ANKRD12: variants seen among roughly 807,000 people sequenced by gnomAD.
The protein encoded by ANKRD12 is ankyrin repeat domain 12, also known as ankyrin repeat domain-containing protein 12.
In ANKRD12, 85 loss-of-function variants were observed where a neutral mutation model predicts 183.4. The ratio of observed to expected loss-of-function variants is 0.46; its 90% CI spans 0.39 to 0.56. The LOEUF (loss-of-function observed/expected upper bound fraction) is 0.56, where lower values mean the gene tolerates loss of function less well. Ranked by LOEUF, ANKRD12 falls within the 20% of genes least tolerant of loss-of-function variation. The pLI is 0.00. For missense variants in ANKRD12, 2,405 were observed against 2,357.1 expected (o/e 1.02, Z -0.42); for synonymous variants, 914 against 800.2 (o/e 1.14, Z -2.40).
At chr18:9,201,624 T>C (rs570449075) in intron 3 of ANKRD12, among the ~76,000 whole-genome samples, 11 of 152,324 alleles carry the variant, frequency 7.2e-5, no homozygotes, top group East Asian at 1.9e-4. Flanking sequence ...ATGAATGTTC[T>C]TTAAGTTCAA....
At chr18:9,172,344 C>T (rs901613205) in intron 1 of ANKRD12, among the ~76,000 whole-genome samples, 1 of 152,180 alleles carries the variant, frequency 6.6e-6, no homozygotes, top group Non-Finnish European at 1.5e-5. Flanking sequence ...CTTCTCCTGT[C>T]TTTCAGGCAC....
At chr18:9,245,832 ATACT>A (rs1361977994) in intron 8 of ANKRD12, among the ~76,000 whole-genome samples, 82 of 152,302 alleles carry the variant, frequency 5.4e-4, no homozygotes, top group African/African-American at 1.1e-3. Context: ...AGATATTCAG[ATACT>A]TACGGAAAGG....
chr18:9,185,553 A>C (rs1349473228), intron 2 of ANKRD12, among the ~76,000 whole-genome samples: 1 of 152,228 alleles, frequency 6.6e-6, no homozygotes, highest in Non-Finnish European at 1.5e-5. Context: ...ACATTCAAGT[A>C]GAAATGTTTA....
At chr18:9,205,063 A>G (rs879315060) in intron 4 of ANKRD12, among the ~76,000 whole-genome samples, 12 of 152,210 alleles carry the variant, frequency 7.9e-5, no homozygotes, top group Non-Finnish European at 1.6e-4. Flanking sequence ...CTATAACTGA[A>G]TTAAAATACC....
chr18:9,275,687 A>G lies in ANKRD12; in HGVS notation c.5907+20A>G, dbSNP rs909597720. 1.3e-6 allele frequency: 2 copies of G among 1,524,122 alleles called. No individual in the cohort carries two copies. Among genetic ancestry groups the G allele is most frequent in the Admixed American group, 3.6e-5 (2 of 54,982 alleles). The allele number at this position is 1,524,122 out of a possible 1,614,324, so 94.4% of individuals were successfully genotyped here. ...TCTCAGGTAAAATGTTTGTTGATAC[A>G]TTTAGAAGTAATGGTCTGAAAAAAT... is the stretch of plus-strand genomic sequence containing the variant. On this transcript the variant is annotated intron_variant, in intron 11 of 12. Transcript: ENST00000262126.
chr18:9,164,636 C>T (rs1269326778), intron 1 of ANKRD12, among the ~76,000 whole-genome samples: 4 of 152,064 alleles, frequency 2.6e-5, no homozygotes, highest in African/African-American at 4.8e-5. Context: ...TTGATTTCTG[C>T]CTTAATTTTA....
intron 8 of ANKRD12, among the ~76,000 whole-genome samples, chr18:9,232,903 G>A (rs1484044619): frequency 6.6e-6 from 1 of 152,032 alleles, no homozygotes; most frequent in East Asian, 1.9e-4. Flanking sequence ...AGGTTGGGGT[G>A]CAGTGGTGTG....
chr18:9,228,961 T>C (rs146752517), intron 8 of ANKRD12, among the ~76,000 whole-genome samples: 2 of 152,214 alleles, frequency 1.3e-5, no homozygotes, highest in East Asian at 3.9e-4. Context: ...TTTAAGTCTT[T>C]AATTCATTTT....
chr18:9,211,230 C>T (rs765628713), intron 5 of ANKRD12, among the ~76,000 whole-genome samples: 1 of 152,128 alleles, frequency 6.6e-6, no homozygotes, highest in Non-Finnish European at 1.5e-5. Flanking sequence ...AATTTCACTT[C>T]CTCTAGGTCT....
intron 1 of ANKRD12, among the ~76,000 whole-genome samples, chr18:9,159,713 A>G (rs938590042): frequency 6.6e-6 from 1 of 151,736 alleles, no homozygotes; most frequent in African/African-American, 2.4e-5. Context: ...TGCTGGGATT[A>G]CAGGCGTGAG....
At chr18:9,184,921 T>G (rs1388093339) in intron 2 of ANKRD12, among the ~76,000 whole-genome samples, 1 of 152,094 alleles carries the variant, frequency 6.6e-6, no homozygotes, top group African/African-American at 2.4e-5. Context: ...ATTTGAGAAC[T>G]GCTATACCAG....
chr18:9,181,389 A>G (rs1049454144), intron 1 of ANKRD12, among the ~76,000 whole-genome samples: 2 of 152,344 alleles, frequency 1.3e-5, no homozygotes, highest in South Asian at 2.1e-4. Context: ...ATTTACATAG[A>G]TACTAGAATG....
rs1308964221 is a variant in ANKRD12 at position 9,214,447 on chromosome 18, T to C, written c.653-2311T>C. On this transcript the variant is annotated intron_variant, in intron 6 of 12. Coordinates refer to ENST00000262126, the MANE Select transcript of ANKRD12 (RefSeq NM_015208.5). Reference sequence around the variant, plus strand: ...TTGTGGTGAGCTCAAATATTGGGACTATCTGCTTAAAACACCATGTGACTG... The same window carrying C: ...TTGTGGTGAGCTCAAATATTGGGACCATCTGCTTAAAACACCATGTGACTG... 3.3e-5 allele frequency among the ~76,000 whole-genome samples: 5 copies of C among 152,254 alleles called. No homozygotes were observed. In the East Asian group the frequency reaches 9.6e-4, roughly 29 times the overall value.
At chr18:9,235,163 TTCA>T (rs1334929746) in intron 8 of ANKRD12, among the ~76,000 whole-genome samples, 1 of 152,194 alleles carries the variant, frequency 6.6e-6, no homozygotes, top group Non-Finnish European at 1.5e-5. Flanking sequence ...AAAAAATTAA[TTCA>T]TCATCATAAG....
At chr18:9,234,159 G>A (rs2037210370) in intron 8 of ANKRD12, among the ~76,000 whole-genome samples, 1 of 152,166 alleles carries the variant, frequency 6.6e-6, no homozygotes. Context: ...CAGCACAAAG[G>A]CCATGCCACC....
chr18:9,143,150 A>T (rs2078376364), intron 1 of ANKRD12, among the ~76,000 whole-genome samples: 1 of 152,214 alleles, frequency 6.6e-6, no homozygotes, highest in African/African-American at 2.4e-5. Flanking sequence ...GCTAGATACT[A>T]TTAGATACTT....
rs1472659778 is a variant in ANKRD12 at position 9,157,585 on chromosome 18, G to GTGTATA, written c.-52+20621_-52+20622insGTATAT. ...TGTGTGTGTGTGTGTGTGTGTGTGTGTATATATATATATATGTATTTTTTT... is the reference window on the plus strand; with the variant it reads ...TGTGTGTGTGTGTGTGTGTGTGTGTGTGTATATATATATATATATATGTATTTTTTT... On this transcript the variant is annotated intron_variant, in intron 1 of 12. Transcript: ENST00000262126. 2.6e-3 allele frequency among the ~76,000 whole-genome samples: 242 copies of GTGTATA among 92,660 alleles called. 1 individual carries two copies. The highest frequency in any genetic ancestry group is 4.9e-3 in the African/African-American group (93 of 19,030). The allele number at this position is 92,660 out of a possible 152,430, so 60.8% of individuals were successfully genotyped here.
chr18:9,162,315 G>A (rs761289351), intron 1 of ANKRD12, among the ~76,000 whole-genome samples: 6 of 150,632 alleles, frequency 4.0e-5, no homozygotes, highest in Non-Finnish European at 8.8e-5. Flanking sequence ...TTCTTTTCCT[G>A]TGTTAGTTTG....
chr18:9,225,814 A>G (rs1315040866), intron 8 of ANKRD12, among the ~76,000 whole-genome samples: 1 of 152,206 alleles, frequency 6.6e-6, no homozygotes, highest in African/African-American at 2.4e-5. Context: ...TATTATGAAA[A>G]TATTCAAACA....
Sources: allele counts gnomAD v4.1 joint callset (sites outside exome capture counted in the v4.1 genomes callset), GRCh38; gene constraint gnomAD v4.1.1; transcripts MANE v1.5; gene names NCBI Gene and HGNC (gene_info 2026-07-23, HGNC 2026-07-21).